NCK2: variants seen among roughly 807,000 people sequenced by gnomAD.
The protein encoded by NCK2 is NCK adaptor protein 2.
In NCK2, 16 loss-of-function variants were observed where a neutral mutation model predicts 33.9. The observed-to-expected ratio is 0.47, with a 90% CI of 0.32 to 0.72. NCK2 has a LOEUF of 0.72. Ranked by LOEUF, NCK2 falls within the 30% of genes least tolerant of loss-of-function variation. The pLI is 0.03. For synonymous variants in NCK2, 273 were observed against 239.9 expected (o/e 1.14, Z -1.27); for missense variants, 418 against 537.3 (o/e 0.78, Z 2.19).
At chr2:105,884,768 C>CT (rs2104671910) in intron 4 of NCK2, among the ~76,000 whole-genome samples, 1 of 152,340 alleles carries the variant, frequency 6.6e-6, no homozygotes, top group Admixed American at 6.5e-5. Context: ...CTGTCCTGAA[C>CT]TTCAGTACCT....
At chr2:105,805,804 G>A (rs1675011965) in intron 1 of NCK2, among the ~76,000 whole-genome samples, 2 of 152,130 alleles carry the variant, frequency 1.3e-5, no homozygotes, top group Non-Finnish European at 2.9e-5. Flanking sequence ...TAATATTCTT[G>A]TGTGTGTATA....
intron 2 of NCK2, among the ~76,000 whole-genome samples, chr2:105,834,662 A>C (rs964316102): frequency 2.0e-5 from 3 of 150,366 alleles, no homozygotes; most frequent in African/African-American, 7.3e-5. Flanking sequence ...TTTTTTTTTC[A>C]ATTTTAATTT....
upstream of NCK2, chr2:105,744,831 G>C (rs1239640059): frequency 6.3e-6 from 1 of 159,396 alleles, no homozygotes; most frequent in Non-Finnish European, 1.3e-5. Flanking sequence ...GAGGAAGAGC[G>C]CGGAGGAGGC....
chr2:105,864,743 C>G (rs1236618819), intron 3 of NCK2, among the ~76,000 whole-genome samples: 1 of 151,722 alleles, frequency 6.6e-6, no homozygotes, highest in Non-Finnish European at 1.5e-5. Context: ...TGGACCTGGC[C>G]TTCTCTTCTT....
intron 1 of NCK2, among the ~76,000 whole-genome samples, chr2:105,770,872 G>C (rs952011313): frequency 2.0e-5 from 3 of 152,158 alleles, no homozygotes; most frequent in African/African-American, 7.2e-5. Context: ...TTCAGTGTTT[G>C]GCAATTCTGA....
At chr2:105,785,043 A>T (rs1690629197) in intron 1 of NCK2, among the ~76,000 whole-genome samples, 1 of 152,134 alleles carries the variant, frequency 6.6e-6, no homozygotes, top group Non-Finnish European at 1.5e-5. Context: ...CAGTGGCGCG[A>T]TCTCAGCTCA....
chr2:105,782,928 C>CG (rs1690549977), intron 1 of NCK2, among the ~76,000 whole-genome samples: 1 of 152,136 alleles, frequency 6.6e-6, no homozygotes, highest in Admixed American at 6.5e-5. Context: ...ACCGGCTTGG[C>CG]GAAGAGGGTG....
At chr2:105,748,721 T>C (rs1344645848) in intron 1 of NCK2, among the ~76,000 whole-genome samples, 1 of 152,172 alleles carries the variant, frequency 6.6e-6, no homozygotes, top group Non-Finnish European at 1.5e-5. Context: ...CCCTGCCCTA[T>C]GGTTTTTTTG....
chr2:105,870,587 C>A (rs1330926813), intron 3 of NCK2, among the ~76,000 whole-genome samples: 1 of 152,084 alleles, frequency 6.6e-6, no homozygotes, highest in East Asian at 1.9e-4. Context: ...TAAACCCCGT[C>A]TCTACTAAAA....
intron 1 of NCK2, among the ~76,000 whole-genome samples, chr2:105,790,278 C>G (rs1283239411): frequency 6.6e-6 from 1 of 152,242 alleles, no homozygotes; most frequent in Admixed American, 6.5e-5. Flanking sequence ...TGGCTTCCTG[C>G]AGCTCTCGTC....
intron 2 of NCK2, among the ~76,000 whole-genome samples, chr2:105,834,511 T>C (rs980284131): frequency 6.6e-6 from 1 of 152,202 alleles, no homozygotes; most frequent in Non-Finnish European, 1.5e-5. Flanking sequence ...AGATTTTTTT[T>C]TCATCCTTTC....
chr2:105,765,129 T>C (rs564160548), intron 1 of NCK2, among the ~76,000 whole-genome samples: 2 of 152,280 alleles, frequency 1.3e-5, no homozygotes, highest in South Asian at 2.1e-4. Flanking sequence ...TACAAAGGGT[T>C]ATGCCAGTTT....
chr2:105,843,020 A>G (rs902710815), intron 2 of NCK2, among the ~76,000 whole-genome samples: 6 of 152,202 alleles, frequency 3.9e-5, no homozygotes, highest in African/African-American at 1.4e-4. Flanking sequence ...GGAGTGGGCT[A>G]GAGTCTGCAT....
chr2:105,765,417 C>T (rs1037245896), intron 1 of NCK2, among the ~76,000 whole-genome samples: 3 of 152,236 alleles, frequency 2.0e-5, no homozygotes, highest in African/African-American at 7.2e-5. Flanking sequence ...CCATCATGGT[C>T]ATCCTGAGGC....
At chr2:105,880,206 G>A (rs1678415101) in intron 3 of NCK2, among the ~76,000 whole-genome samples, 1 of 152,174 alleles carries the variant, frequency 6.6e-6, no homozygotes, top group Admixed American at 6.5e-5. Context: ...CTGTAATTGT[G>A]TTTGATGCAC....
chr2:105,823,578 C>A (rs1675830007), intron 2 of NCK2, among the ~76,000 whole-genome samples: 2 of 151,872 alleles, frequency 1.3e-5, no homozygotes, highest in Admixed American at 6.5e-5. Context: ...TAAGAGGTCA[C>A]AGTTTATGGG....
chr2:105,805,616 C>T (rs1418685733), intron 1 of NCK2, among the ~76,000 whole-genome samples: 1 of 152,140 alleles, frequency 6.6e-6, no homozygotes, highest in African/African-American at 2.4e-5. Context: ...TACCTTCCAG[C>T]CCCTGTTAAC....
intron 1 of NCK2, among the ~76,000 whole-genome samples, chr2:105,753,349 C>T (rs934403671): frequency 3.9e-5 from 6 of 152,154 alleles, no homozygotes; most frequent in Non-Finnish European, 7.3e-5. Flanking sequence ...CTGCTCCTCT[C>T]CCCCAGCCCC....
intron 3 of NCK2, 116 bp from the exon 4 acceptor site, chr2:105,881,212 A>T (rs1299721891): frequency 3.6e-6 from 5 of 1,390,332 alleles, no homozygotes; most frequent in Non-Finnish European, 4.8e-6. Flanking sequence ...AGCACTGTCC[A>T]TGTGTCGTCC....
Sources: gnomAD v4.1 joint callset for allele counts (sites outside exome capture counted in the v4.1 genomes callset) on GRCh38, gnomAD v4.1.1 for gene constraint, MANE v1.5 for transcripts, NCBI Gene and HGNC (gene_info 2026-07-23, HGNC 2026-07-21) for gene names.